SHANK2: variants seen among roughly 807,000 people sequenced by gnomAD.
SHANK2 encodes the protein SH3 and multiple ankyrin repeat domains 2.
In SHANK2, 43 loss-of-function variants were observed where a neutral mutation model predicts 133.7. The observed-to-expected ratio is 0.32, with a 90% CI of 0.25 to 0.41. SHANK2 has a LOEUF of 0.41. Ranked by LOEUF, SHANK2 falls within the 10% of genes least tolerant of loss-of-function variation. The pLI is 1.00. For synonymous variants in SHANK2, 1,017 were observed against 952.8 expected, an observed-to-expected ratio of 1.07 and a Z score of -1.24; for missense variants, 1,994 against 2,235.8, an observed-to-expected ratio of 0.89 and a Z score of 2.18.
At chr11:70,811,363 A>G (rs957523394) in intron 12 of SHANK2, among the ~76,000 whole-genome samples, 1 of 151,958 alleles carries the variant, frequency 6.6e-6, no homozygotes, top group Admixed American at 6.6e-5. Flanking sequence ...CCTGCAAGGA[A>G]CCCCACGGCC....
intron 11 of SHANK2, among the ~76,000 whole-genome samples, chr11:70,848,367 G>A (rs374252034): frequency 5.5e-4 from 84 of 152,328 alleles, no homozygotes; most frequent in Non-Finnish European, 1.1e-3. Context: ...AGGGCCTGGC[G>A]GGGGTGATCA....
intron 17 of SHANK2, among the ~76,000 whole-genome samples, chr11:70,574,217 C>T (rs534095275): frequency 2.6e-4 from 40 of 152,230 alleles, no homozygotes; most frequent in Non-Finnish European, 3.7e-4. Flanking sequence ...CCAGATGGGC[C>T]GACACAGACT....
At chr11:70,723,044 C>T (rs1218224223) in intron 14 of SHANK2, among the ~76,000 whole-genome samples, 1 of 152,190 alleles carries the variant, frequency 6.6e-6, no homozygotes, top group African/African-American at 2.4e-5. Context: ...TTACAAAGCA[C>T]CGTCAGACCC....
chr11:70,535,484 A>ATCCG lies in SHANK2; in HGVS notation c.2062-32554_2062-32553insCGGA, dbSNP rs1412204684. Among the ~76,000 whole-genome samples the ATCCG allele has an allele frequency of 1.3e-5, 2 of 151,640 alleles. No homozygotes were observed. Among genetic ancestry groups the ATCCG allele is most frequent in the African/African-American group, 4.9e-5 (2 of 41,204 alleles). On this transcript the variant is annotated intron_variant, in intron 17 of 25. Transcript: ENST00000601538. The surrounding 1 kb of genome is among the most constrained non-coding windows in gnomAD (Gnocchi z 4.3). ...AGTCCGTCCGTCCATCCATCCATCC[A>ATCCG]TCCATCCATCCGTCCGTCCGTCCAT...
chr11:71,110,835 C>T (rs1247425787), intron 5 of SHANK2, among the ~76,000 whole-genome samples: 1 of 152,190 alleles, frequency 6.6e-6, no homozygotes, highest in African/African-American at 2.4e-5. Flanking sequence ...TGTGTGTCCC[C>T]GCAAAATTCA....
intron 11 of SHANK2, among the ~76,000 whole-genome samples, chr11:70,857,832 G>A (rs915740354): frequency 6.6e-6 from 1 of 152,092 alleles, no homozygotes; most frequent in Admixed American, 6.6e-5. Context: ...CACAGCGATG[G>A]GGCACTTCCA....
chr11:70,576,451 G>A (rs1388635941), intron 17 of SHANK2, among the ~76,000 whole-genome samples: 2 of 151,984 alleles, frequency 1.3e-5, no homozygotes, highest in Admixed American at 6.5e-5. Context: ...TGGCTAACAT[G>A]GTGAAACCCT....
chr11:70,703,476 C>T (rs1479918492), intron 14 of SHANK2, among the ~76,000 whole-genome samples: 4 of 152,164 alleles, frequency 2.6e-5, no homozygotes, highest in African/African-American at 7.2e-5. Flanking sequence ...CCCTTGGGAC[C>T]CTGCCCCCAG....
intron 10 of SHANK2, among the ~76,000 whole-genome samples, chr11:70,938,696 G>A (rs550485861): frequency 1.3e-5 from 2 of 152,290 alleles, no homozygotes; most frequent in African/African-American, 2.4e-5. Flanking sequence ...GCCAAGGACA[G>A]GGAGAGGGAA....
At chr11:70,679,120 C>T (rs931431562) in intron 15 of SHANK2, among the ~76,000 whole-genome samples, 27 of 152,348 alleles carry the variant, frequency 1.8e-4, no homozygotes, top group East Asian at 1.9e-4. Flanking sequence ...TAAAACACGG[C>T]TGACCGCAAC....
At chr11:71,236,504 C>T (rs1954827608) in intron 1 of SHANK2, among the ~76,000 whole-genome samples, 2 of 152,122 alleles carry the variant, frequency 1.3e-5, no homozygotes, top group Non-Finnish European at 2.9e-5. Flanking sequence ...CCCTGCTGCT[C>T]CAGAGACTGA....
chr11:70,580,465 T>C (rs1258141817), intron 17 of SHANK2, among the ~76,000 whole-genome samples: 2 of 152,154 alleles, frequency 1.3e-5, no homozygotes, highest in African/African-American at 2.4e-5. Context: ...CAGGATGAAA[T>C]TGGACCGCCA....
intron 10 of SHANK2, among the ~76,000 whole-genome samples, chr11:70,903,772 T>C (rs1555077350): frequency 1.3e-5 from 2 of 152,218 alleles, no homozygotes; most frequent in African/African-American, 4.8e-5. Flanking sequence ...CTGTCCCCTC[T>C]CTTCTTAAGC....
chr11:70,680,571 G>T (rs984497870), intron 15 of SHANK2, among the ~76,000 whole-genome samples: 1 of 152,086 alleles, frequency 6.6e-6, no homozygotes, highest in African/African-American at 2.4e-5. Flanking sequence ...ACCTGCATTC[G>T]CCAGGACCAT....
At chr11:70,822,335 C>T (rs782663462) in intron 11 of SHANK2, among the ~76,000 whole-genome samples, 1 of 152,248 alleles carries the variant, frequency 6.6e-6, no homozygotes, top group African/African-American at 2.4e-5. Context: ...TCTGGGGGAA[C>T]CTTCATGCCT....
At chr11:70,725,112 A>C (rs1246647815) in intron 14 of SHANK2, among the ~76,000 whole-genome samples, 1 of 152,222 alleles carries the variant, frequency 6.6e-6, no homozygotes, top group Non-Finnish European at 1.5e-5. Context: ...GGGGGAAAAC[A>C]CTTAAGCTAA....
chr11:70,905,263 AAGACAGCTCCCT>A (rs1950083547), intron 10 of SHANK2, among the ~76,000 whole-genome samples: 1 of 152,124 alleles, frequency 6.6e-6, no homozygotes, highest in Non-Finnish European at 1.5e-5. Flanking sequence ...AACCCCTTTC[AAGACAGCTCCCT>A]AGACAGCTCC....
rs111164257 is a variant in SHANK2 at position 70,787,185 on chromosome 11, A to C, written c.1777+11258T>G. ...ACCACCACCAGCATGACCACCACCA[A>C]CACCAGCATCACCAACATCATCACC... On this transcript the variant is annotated intron_variant, in intron 14 of 25. Coordinates refer to ENST00000601538, the MANE Select transcript of SHANK2 (RefSeq NM_012309.5). Among the ~76,000 whole-genome samples the C allele has an allele frequency of 1.3e-3, 103 of 78,686 alleles. 3 individuals are homozygous for C. The highest frequency in any genetic ancestry group is 4.4e-3 in the African/African-American group (70 of 16,064). The allele number at this position is 78,686 out of a possible 152,430, so 51.6% of individuals were successfully genotyped here.
intron 14 of SHANK2, among the ~76,000 whole-genome samples, chr11:70,744,713 A>T (rs1367426448): frequency 6.6e-6 from 1 of 152,202 alleles, no homozygotes; most frequent in Admixed American, 6.5e-5. Context: ...GCACTAGGAC[A>T]TCGCACAGCC....
Sources: gnomAD v4.1 joint callset for allele counts (sites outside exome capture counted in the v4.1 genomes callset) on GRCh38, gnomAD v4.1.1 for gene constraint, Gnocchi (gnomAD v3.1) non-coding constraint, MANE v1.5 for transcripts, NCBI Gene and HGNC (gene_info 2026-07-23, HGNC 2026-07-21) for gene names.